The following NSF variants were observed in gnomAD, a reference collection of about 807,000 sequenced individuals.
NSF encodes the protein N-ethylmaleimide sensitive factor, vesicle fusing ATPase, also known as vesicle-fusing ATPase.
Under a neutral mutation model 50.3 loss-of-function variants are expected in NSF, and 14 were observed. The ratio of observed to expected loss-of-function variants is 0.28; its 90% CI spans 0.18 to 0.44. The LOEUF is 0.44. NSF is among the 20% of genes least tolerant of loss of function. The pLI is 1.00. For synonymous variants in NSF, 109 were observed against 175.7 expected (o/e 0.62, Z 3.00); for missense variants, 218 against 504.3 (o/e 0.43, Z 5.44).
chr17:46,595,603 C>T lies in NSF; in HGVS notation c.12+4816C>T, dbSNP rs1227039688. Among the ~76,000 whole-genome samples the T allele has an allele frequency of 2.3e-5, 3 of 130,970 alleles. 1 individual carries two copies. Among genetic ancestry groups the T allele is most frequent in the African/African-American group, 7.3e-5 (2 of 27,252 alleles). 85.9% of individuals were successfully genotyped at this position (130,970 alleles called of 152,430 possible). On this transcript the variant is annotated intron_variant, in intron 1 of 20. Coordinates refer to ENST00000398238, the MANE Select transcript of NSF (RefSeq NM_006178.4). ...GCCTCCCGGGTTCAAGCGATTCTCC[C>T]GCCTCAGCCTCCTGAGTAGCTAGGA...
At position 46,642,028 on chromosome 17, in the gene NSF, GA is replaced by G. The variant is rs2058219013; in HGVS notation, c.590-1069del. On this transcript the variant is annotated intron_variant, in intron 7 of 20. Coordinates refer to ENST00000398238, the MANE Select transcript of NSF (RefSeq NM_006178.4). ...ATAGGTATTTCTAAGTAATCCATGG[GA>G]AAAAAATTGTGTAGTTAATTGGCAT... Among the ~76,000 whole-genome samples the G allele has an allele frequency of 2.7e-5, 3 of 109,194 alleles. 1 individual carries two copies. Among genetic ancestry groups the G allele is most frequent in the African/African-American group, 1.1e-4 (3 of 26,386 alleles). The allele number at this position is 109,194 out of a possible 152,430, so 71.6% of individuals were successfully genotyped here.
At chr17:46,721,989 T>A (rs954401968) in intron 15 of NSF, 3 of 1,606,960 alleles carry the variant, frequency 1.9e-6, no homozygotes, top group Non-Finnish European at 2.6e-6. Flanking sequence ...AAGATTATGA[T>A]AGCTTTCCGA....
chr17:46,678,658 T>G (rs2058424688), intron 9 of NSF, among the ~76,000 whole-genome samples: 1 of 97,042 alleles, frequency 1.0e-5, no homozygotes, highest in African/African-American at 4.1e-5. Context: ...AGAAATGATA[T>G]GAACCCTGAG....
rs747124941 is a variant in NSF, at chr17:46,728,924, C to T, written c.1898C>T (p.Ala633Val). The change falls in exon 17 of 21, where the codon GCA (alanine) becomes GTA (valine). Residue 633 changes from alanine (A) to valine (V), a missense_variant. Ala to Val is a moderately conservative substitution (Grantham distance 64). Around this residue, in one of 2 missense-constraint regions of NSF, gnomAD observed 209 missense variants for 320.9 expected, o/e 0.65. Coordinates refer to ENST00000398238, the MANE Select transcript of NSF (RefSeq NM_006178.4). The stretch of plus-strand genomic sequence containing the variant: ...GCTCTTCTCGTTTTACTGAAAAAGG[C>T]ACCTCCTCAGGTAAAATAATACTAC... ...LQALLVLLKK[A>V]PPQGRKLLII... The T allele has an allele frequency of 3.1e-5, 50 of 1,601,540 alleles. 1 individual carries two copies. In the Admixed American group the frequency reaches 6.6e-4, roughly 21 times the overall value.
At chr17:46,750,539 T>G (rs1231470153) in intron 18 of NSF, among the ~76,000 whole-genome samples, 2 of 152,224 alleles carry the variant, frequency 1.3e-5, no homozygotes, top group Non-Finnish European at 2.9e-5. Context: ...GATTTCAGAC[T>G]TTTGGATTAG....
rs1005868052 is a variant in NSF, at chr17:46,756,777, A to G, written c.*954A>G. 2.0e-5 allele frequency: 3 copies of G among 152,580 alleles called. No homozygotes were observed. The highest frequency in any genetic ancestry group is 1.9e-4 in the East Asian group (1 of 5,202). 9.5% of individuals were successfully genotyped at this position (152,580 alleles called of 1,614,324 possible). On this transcript the variant is annotated 3_prime_UTR_variant, in exon 21 of 21. Transcript: ENST00000398238. ...ATCTGTACTATCTAGTGTCTAAAACACTATTCTCCAGAAAAATCAATCATT... is the reference window on the plus strand; with the variant it reads ...ATCTGTACTATCTAGTGTCTAAAACGCTATTCTCCAGAAAAATCAATCATT...
intron 19 of NSF, among the ~76,000 whole-genome samples, chr17:46,753,832 G>A (rs1430234182): frequency 6.6e-6 from 1 of 152,190 alleles, no homozygotes; most frequent in Non-Finnish European, 1.5e-5. Context: ...GTGCAGCTGA[G>A]TGAATTCTCT....
intron 9 of NSF, among the ~76,000 whole-genome samples, chr17:46,685,440 T>C (rs1009047564): frequency 1.6e-4 from 24 of 151,912 alleles, no homozygotes; most frequent in African/African-American, 5.8e-4. Flanking sequence ...AAAACATCAC[T>C]TCTGTAATTT....
chr17:46,712,583 T>C (rs2058730606), intron 14 of NSF, among the ~76,000 whole-genome samples: 1 of 152,190 alleles, frequency 6.6e-6, no homozygotes, highest in South Asian at 2.1e-4. Flanking sequence ...ATAGGAGAAG[T>C]AAATCGGAAA....
At chr17:46,687,394 A>T (rs186829869) in intron 9 of NSF, among the ~76,000 whole-genome samples, 35 of 151,584 alleles carry the variant, frequency 2.3e-4, no homozygotes, top group Admixed American at 1.7e-3. Context: ...TGCTAGAAAC[A>T]AACAAACAAA....
At chr17:46,747,686 G>A (rs2059144432) in intron 17 of NSF, among the ~76,000 whole-genome samples, 1 of 152,160 alleles carries the variant, frequency 6.6e-6, no homozygotes, top group East Asian at 1.9e-4. Context: ...TAGTGTAAAG[G>A]TTGGAAGATA....
At chr17:46,710,615 T>G (rs2058710410) in intron 13 of NSF, among the ~76,000 whole-genome samples, 1 of 152,228 alleles carries the variant, frequency 6.6e-6, no homozygotes, top group Admixed American at 6.5e-5. Flanking sequence ...CATAATCTCT[T>G]TTTTCCTTTG....
chr17:46,740,506 A>G (rs1293355224), intron 17 of NSF, among the ~76,000 whole-genome samples: 1 of 152,196 alleles, frequency 6.6e-6, no homozygotes, highest in Non-Finnish European at 1.5e-5. Flanking sequence ...TGAGATAGGT[A>G]GGGAAAATCT....
At chr17:46,605,572 T>C (rs1318344207) in intron 1 of NSF, among the ~76,000 whole-genome samples, 1 of 101,390 alleles carries the variant, frequency 9.9e-6, no homozygotes, top group Non-Finnish European at 2.0e-5. Context: ...TCCATATGCT[T>C]AGAGAAAATA....
chr17:46,728,941 T>G lies in NSF; in HGVS notation c.1908+7T>G. 1 of 1,487,558 alleles carries G rather than the reference T, an allele frequency of 6.7e-7. No homozygotes were observed. Among genetic ancestry groups the G allele is most frequent in the African/African-American group, 1.4e-5 (1 of 71,934 alleles). The allele number at this position is 1,487,558 out of a possible 1,614,324, so 92.1% of individuals were successfully genotyped here. A position where few individuals can be genotyped will look rare whatever the true frequency, so the allele number is the denominator to read the frequency against. Reference sequence around the variant, plus strand: ...GAAAAAGGCACCTCCTCAGGTAAAATAATACTACTAATAAGGAATATTTTA... The same window carrying G: ...GAAAAAGGCACCTCCTCAGGTAAAAGAATACTACTAATAAGGAATATTTTA... On this transcript the variant is annotated splice_region_variant and intron_variant, in intron 17 of 20. Transcript: ENST00000398238.
chr17:46,721,033 C>A (rs1311276003), intron 15 of NSF, among the ~76,000 whole-genome samples: 1 of 152,192 alleles, frequency 6.6e-6, no homozygotes, highest in Non-Finnish European at 1.5e-5. Context: ...CAGGAGTGGG[C>A]TCTGGGACTT....
chr17:46,755,286 C>T, intron 19 of NSF, 28 bp from the exon 20 acceptor site: 1 of 1,582,136 alleles, frequency 6.3e-7, no homozygotes, highest in Non-Finnish European at 8.7e-7. Flanking sequence ...TACCATTAAC[C>T]CATCTTCATT....
chr17:46,751,685 A>AG, intron 19 of NSF, 69 bp downstream of exon 19: 1 of 875,938 alleles, frequency 1.1e-6, no homozygotes, highest in Non-Finnish European at 1.7e-6. Flanking sequence ...AGGGTTCAGT[A>AG]TTTCCTTTGC....
intron 17 of NSF, among the ~76,000 whole-genome samples, chr17:46,737,201 A>G (rs2146312372): frequency 6.6e-6 from 1 of 152,352 alleles, no homozygotes; most frequent in Admixed American, 6.5e-5. Flanking sequence ...AAGTTTGTGC[A>G]CAAGGTGGGC....
Sources: gnomAD v4.1 joint callset for allele counts (sites outside exome capture counted in the v4.1 genomes callset) on GRCh38, gnomAD v4.1.1 for gene constraint, gnomAD v4.1.1 regional missense constraint, MANE v1.5 for transcripts, NCBI Gene and HGNC (gene_info 2026-07-23, HGNC 2026-07-21) for gene names.